Variants in MAPRE1 observed in about 807,000 individuals in gnomAD.
MAPRE1 encodes microtubule associated protein RP/EB family member 1.
Under a neutral mutation model 32.1 loss-of-function variants are expected in MAPRE1, and 5 were observed. That is an observed-to-expected ratio of 0.16 (90% CI 0.08 to 0.33). MAPRE1 has a LOEUF of 0.33. Ranked by LOEUF, MAPRE1 falls within the 10% of genes least tolerant of loss-of-function variation. The pLI, the probability that MAPRE1 is intolerant of heterozygous loss-of-function variation, is 1.00. For missense variants in MAPRE1, 209 were observed against 327.2 expected (o/e 0.64, Z 2.79); for synonymous variants, 122 against 118.9 (o/e 1.03, Z -0.17).
At chr20:32,826,186 C>T in intron 2 of MAPRE1, 138 bp downstream of exon 2, 1 of 683,032 alleles carries the variant, frequency 1.5e-6, no homozygotes, top group Non-Finnish European at 2.3e-6. Flanking sequence ...TCCTCTCAGC[C>T]CTGCCTTTGC....
Position 32,833,799 on chromosome 20 carries a change from A to T in MAPRE1, c.204A>T (p.Glu68Asp). ...LKKVKFQAKL[E>D]HEYIQNFKIL... ...AAGTGAAATTCCAAGCTAAGCTAGA[A>T]CACGAGTACATCCAGAACTTCAAAA... is the stretch of plus-strand genomic sequence containing the variant. Residue 68 changes from glutamate to aspartate, a missense_variant, in exon 3 of 7, where the codon GAA becomes GAT. Glu to Asp is a conservative substitution (Grantham distance 45, BLOSUM62 2). Transcript: ENST00000375571. The T allele has an allele frequency of 6.2e-7, 1 of 1,614,136 alleles. No homozygotes were observed. The highest frequency in any genetic ancestry group is 8.5e-7 in the Non-Finnish European group (1 of 1,179,970).
chr20:32,840,906 C>T lies in MAPRE1; in HGVS notation c.597+1050C>T, dbSNP rs576887156. 5.3e-5 allele frequency among the ~76,000 whole-genome samples: 8 copies of T among 152,290 alleles called. No individual in the cohort carries two copies. In the East Asian group the frequency reaches 1.5e-3, roughly 29 times the overall value. On this transcript the variant is annotated intron_variant, in intron 5 of 6. Transcript: ENST00000375571. The stretch of plus-strand genomic sequence containing the variant: ...TCTCAGCTCACTGCAACCTCCGCCT[C>T]CCAGGTTCAAGGGATTCTTCCGCCT...
chr20:32,845,796 T>C (rs1983491021), intron 5 of MAPRE1, among the ~76,000 whole-genome samples: 1 of 152,192 alleles, frequency 6.6e-6, no homozygotes, highest in Non-Finnish European at 1.5e-5. Context: ...TTTTTGTGGC[T>C]GTGAGTTCAG....
At chr20:32,840,112 A>G (rs1176983457) in intron 5 of MAPRE1, among the ~76,000 whole-genome samples, 1 of 152,184 alleles carries the variant, frequency 6.6e-6, no homozygotes, top group African/African-American at 2.4e-5. Flanking sequence ...ATCCTGTTGA[A>G]TGTTTCTGGA....
intron 1 of MAPRE1, among the ~76,000 whole-genome samples, chr20:32,825,429 A>T (rs891694330): frequency 2.2e-4 from 34 of 152,190 alleles, no homozygotes; most frequent in Non-Finnish European, 1.0e-4. Flanking sequence ...GTATGTGGAA[A>T]TCCAGATTCT....
At chr20:32,848,092 TG>T (rs1983554109) in intron 6 of MAPRE1, among the ~76,000 whole-genome samples, 1 of 151,936 alleles carries the variant, frequency 6.6e-6, no homozygotes, top group African/African-American at 2.4e-5. Context: ...TTGCCCAGGC[TG>T]GAGTGCCTGG....
At chr20:32,830,532 GTTTTATTTGTCTTCT>G (rs1353350446) in intron 2 of MAPRE1, among the ~76,000 whole-genome samples, 1 of 152,044 alleles carries the variant, frequency 6.6e-6, no homozygotes, top group Non-Finnish European at 1.5e-5. Flanking sequence ...CTAATTCACA[GTTTTATTTGTCTTCT>G]GAAAGAGCTT....
At chr20:32,829,724 A>C (rs959806929) in intron 2 of MAPRE1, among the ~76,000 whole-genome samples, 5 of 152,226 alleles carry the variant, frequency 3.3e-5, no homozygotes, top group Non-Finnish European at 7.3e-5. Context: ...CTGCCTGTGA[A>C]GTGGCCAAAT....
chr20:32,833,199 CGAAAA>C (rs891962262), intron 2 of MAPRE1, among the ~76,000 whole-genome samples: 19 of 151,008 alleles, frequency 1.3e-4, no homozygotes, highest in East Asian at 1.9e-4. Context: ...GACCCTGTTT[CGAAAA>C]GAAAAGAAAA....
At chr20:32,848,588 TA>T in intron 6 of MAPRE1, 83 bp from the exon 7 acceptor site, 15 of 1,014,896 alleles carry the variant, frequency 1.5e-5, no homozygotes, top group Non-Finnish European at 2.1e-5. Flanking sequence ...CCATTGTTTT[TA>T]AGAGGCTGTA....
chr20:32,820,786 G>T (rs1449305960), intron 1 of MAPRE1, among the ~76,000 whole-genome samples: 1 of 152,134 alleles, frequency 6.6e-6, no homozygotes, highest in Admixed American at 6.6e-5. Context: ...GCCCTCGGAT[G>T]CTGCAGGGCA....
At chr20:32,846,586 A>G in intron 5 of MAPRE1, 32 bp from the exon 6 acceptor site, 1 of 1,609,194 alleles carries the variant, frequency 6.2e-7, no homozygotes, top group Non-Finnish European at 8.5e-7. Context: ...TACTAATGCC[A>G]AGCATCTCAC....
chr20:32,833,883 A>T (rs1435714665), intron 3 of MAPRE1, 21 bp downstream of exon 3: 2 of 1,604,278 alleles, frequency 1.2e-6, no homozygotes, highest in East Asian at 2.2e-5. Context: ...GTTATCTTTT[A>T]TTGTGGTTAA....
At chr20:32,841,684 C>T (rs1443158157) in intron 5 of MAPRE1, among the ~76,000 whole-genome samples, 1 of 148,600 alleles carries the variant, frequency 6.7e-6, no homozygotes, top group East Asian at 2.0e-4. Flanking sequence ...TTCTCATCCG[C>T]TCAGCTCTTA....
At chr20:32,828,372 A>G (rs527456934) in intron 2 of MAPRE1, among the ~76,000 whole-genome samples, 2 of 152,220 alleles carry the variant, frequency 1.3e-5, no homozygotes, top group Non-Finnish European at 2.9e-5. Context: ...TTTTCTGTAA[A>G]TATATTCCAA....
intron 5 of MAPRE1, among the ~76,000 whole-genome samples, chr20:32,840,288 G>T (rs1397009789): frequency 1.3e-5 from 2 of 152,156 alleles, no homozygotes; most frequent in Admixed American, 6.5e-5. Context: ...GGCTCTTCTA[G>T]TTCTGTTCTT....
intron 5 of MAPRE1, among the ~76,000 whole-genome samples, chr20:32,844,736 C>T (rs904913440): frequency 1.3e-5 from 2 of 152,170 alleles, no homozygotes; most frequent in African/African-American, 2.4e-5. Context: ...TAAGCTCTTT[C>T]GACTTCCTTT....
At chr20:32,837,919 A>G (rs1983245734) in intron 4 of MAPRE1, among the ~76,000 whole-genome samples, 1 of 152,092 alleles carries the variant, frequency 6.6e-6, no homozygotes, top group Non-Finnish European at 1.5e-5. Flanking sequence ...ACCCATCTCT[A>G]CTGAAATACA....
At chr20:32,824,530 A>G (rs2146120704) in intron 1 of MAPRE1, among the ~76,000 whole-genome samples, 1 of 152,336 alleles carries the variant, frequency 6.6e-6, no homozygotes, top group East Asian at 1.9e-4. Context: ...AGTATCTGGC[A>G]CTTAGGCCCA....
Sources: gnomAD v4.1 joint callset for allele counts (sites outside exome capture counted in the v4.1 genomes callset) on GRCh38, gnomAD v4.1.1 for gene constraint, MANE v1.5 for transcripts, NCBI Gene and HGNC (gene_info 2026-07-23, HGNC 2026-07-21) for gene names.